The following KIAA0825 variants were observed in gnomAD, a reference collection of about 807,000 sequenced individuals.
The protein encoded by KIAA0825 is KIAA0825, also known as uncharacterized protein KIAA0825.
In KIAA0825, 119 loss-of-function variants were observed where a neutral mutation model predicts 147.6. The observed-to-expected ratio is 0.81, with a 90% confidence interval of 0.69 to 0.94. The LOEUF (loss-of-function observed/expected upper bound fraction) is 0.94, where lower values mean the gene tolerates loss of function less well. Among genes scored for constraint, KIAA0825 ranks in the 40% least tolerant of loss-of-function variants. KIAA0825 has a pLI of 0.00. For missense variants in KIAA0825, 1,381 were observed against 1,472.7 expected (o/e 0.94, Z 1.02); for synonymous variants, 470 against 518.1 (o/e 0.91, Z 1.26).
intron 20 of KIAA0825, among the ~76,000 whole-genome samples, chr5:94,171,586 T>A (rs1768617489): frequency 6.6e-6 from 1 of 152,150 alleles, no homozygotes; most frequent in Admixed American, 6.5e-5. Flanking sequence ...ATTTGTTAAG[T>A]GAATGACCCA....
At chr5:94,298,682 A>G (rs1778251259) in intron 20 of KIAA0825, among the ~76,000 whole-genome samples, 1 of 152,138 alleles carries the variant, frequency 6.6e-6, no homozygotes. Flanking sequence ...TCCTGGGCAC[A>G]TTAGAAGAAA....
intron 20 of KIAA0825, among the ~76,000 whole-genome samples, chr5:94,321,351 A>T (rs1211714734): frequency 6.6e-6 from 1 of 152,000 alleles, no homozygotes; most frequent in African/African-American, 2.4e-5. Flanking sequence ...TACCACTACT[A>T]AAATAACTGA....
chr5:94,583,230 C>A (rs1042159714), intron 1 of KIAA0825, among the ~76,000 whole-genome samples: 3 of 152,182 alleles, frequency 2.0e-5, no homozygotes, highest in African/African-American at 7.2e-5. Context: ...TGCAAAGGGT[C>A]GTGGGATTTC....
chr5:94,447,790 A>T (rs916393740), intron 13 of KIAA0825, among the ~76,000 whole-genome samples: 3 of 152,176 alleles, frequency 2.0e-5, no homozygotes, highest in Non-Finnish European at 4.4e-5. Context: ...ATTACATTGA[A>T]TAGAAGCATA....
At chr5:94,512,016 A>C (rs1766556109) in intron 5 of KIAA0825, among the ~76,000 whole-genome samples, 2 of 152,028 alleles carry the variant, frequency 1.3e-5, no homozygotes, top group Admixed American at 1.3e-4. Flanking sequence ...TAATAAAATA[A>C]AAAATATTTG....
At position 94,600,727 on chromosome 5, in the gene KIAA0825, G is replaced by T. The variant is rs575293655; in HGVS notation, c.-153+17773C>A. Among the ~76,000 whole-genome samples, 14 of 152,150 alleles carry T rather than the reference G, an allele frequency of 9.2e-5. No homozygotes were observed. In the South Asian group the frequency reaches 2.1e-3, roughly 23 times the overall value. On this transcript the variant is annotated intron_variant, in intron 1 of 20. Transcript: ENST00000682413. ...TTGGACAACTCAGCCATTCTAGTCT[G>T]TGGGCTTAAGAGAGTCCAAACCACC...
At chr5:94,490,443 A>G (rs1251410844) in intron 5 of KIAA0825, among the ~76,000 whole-genome samples, 4 of 152,206 alleles carry the variant, frequency 2.6e-5, no homozygotes, top group African/African-American at 9.6e-5. Context: ...TTGACAAAAT[A>G]AATTTGAAGA....
intron 20 of KIAA0825, among the ~76,000 whole-genome samples, chr5:94,222,665 C>T (rs1773773267): frequency 6.6e-6 from 1 of 152,146 alleles, no homozygotes; most frequent in Non-Finnish European, 1.5e-5. Flanking sequence ...TGCAAAGATA[C>T]TCTCTTGCAT....
At chr5:94,400,761 T>G (rs1751268364) in intron 16 of KIAA0825, among the ~76,000 whole-genome samples, 1 of 152,184 alleles carries the variant, frequency 6.6e-6, no homozygotes, top group South Asian at 2.1e-4. Context: ...CATCCTAACT[T>G]CCATCCAACT....
chr5:94,609,874 A>C (rs1375317630), intron 1 of KIAA0825, among the ~76,000 whole-genome samples: 1 of 152,120 alleles, frequency 6.6e-6, no homozygotes, highest in African/African-American at 2.4e-5. Flanking sequence ...ATTTACAACC[A>C]GCCCCACTCC....
chr5:94,290,778 C>A (rs1777854950), intron 20 of KIAA0825, among the ~76,000 whole-genome samples: 1 of 152,200 alleles, frequency 6.6e-6, no homozygotes, highest in African/African-American at 2.4e-5. Flanking sequence ...TATTTCTCCA[C>A]ATCCTCTCCA....
intron 20 of KIAA0825, among the ~76,000 whole-genome samples, chr5:94,248,602 GA>G (rs1431801421): frequency 6.6e-6 from 1 of 152,138 alleles, no homozygotes; most frequent in Non-Finnish European, 1.5e-5. Flanking sequence ...GAACATAGTA[GA>G]AAGTGGATGT....
At chr5:94,312,048 C>T (rs148252831) in intron 20 of KIAA0825, among the ~76,000 whole-genome samples, 1 of 151,676 alleles carries the variant, frequency 6.6e-6, no homozygotes, top group East Asian at 2.0e-4. Flanking sequence ...ATGCTGTGGA[C>T]GTTAAAAATT....
chr5:94,370,068 C>A (rs1212343308), intron 20 of KIAA0825, among the ~76,000 whole-genome samples: 1 of 152,054 alleles, frequency 6.6e-6, no homozygotes, highest in Non-Finnish European at 1.5e-5. Flanking sequence ...TATTCACAAT[C>A]ACTTAATACT....
At chr5:94,589,167 AAAC>A (rs1783879479) in intron 1 of KIAA0825, among the ~76,000 whole-genome samples, 1 of 152,126 alleles carries the variant, frequency 6.6e-6, no homozygotes, top group Non-Finnish European at 1.5e-5. Context: ...TAAAACAAAG[AAAC>A]AACAACAACA....
chr5:94,563,053 T>G (rs1426414597), intron 2 of KIAA0825, among the ~76,000 whole-genome samples: 1 of 151,976 alleles, frequency 6.6e-6, no homozygotes, highest in Non-Finnish European at 1.5e-5. Flanking sequence ...TTTTAAAAGG[T>G]GTTTTGAGCT....
intron 13 of KIAA0825, among the ~76,000 whole-genome samples, chr5:94,448,748 G>T (rs868127591): frequency 6.6e-6 from 1 of 152,064 alleles, no homozygotes; most frequent in Admixed American, 6.5e-5. Flanking sequence ...GATAATTTGG[G>T]GGTGAAAGAC....
chr5:94,247,221 G>A (rs913948978), intron 20 of KIAA0825, among the ~76,000 whole-genome samples: 1 of 152,102 alleles, frequency 6.6e-6, no homozygotes, highest in Non-Finnish European at 1.5e-5. Context: ...TTTGAATGTG[G>A]TAGTTTATGA....
intron 1 of KIAA0825, among the ~76,000 whole-genome samples, chr5:94,596,333 T>C (rs1289996412): frequency 6.6e-6 from 1 of 152,220 alleles, no homozygotes; most frequent in African/African-American, 2.4e-5. Context: ...ATTTATTGAA[T>C]AGGGGTCATT....
Sources: gnomAD v4.1 joint callset for allele counts (sites outside exome capture counted in the v4.1 genomes callset) on GRCh38, gnomAD v4.1.1 for gene constraint, MANE v1.5 for transcripts, NCBI Gene and HGNC (gene_info 2026-07-23, HGNC 2026-07-21) for gene names.